Variants in SHPRH observed in about 807,000 individuals in gnomAD.
SHPRH encodes SNF2 histone linker PHD RING helicase.
A neutral mutation model predicts 202.5 loss-of-function variants in SHPRH; 106 were observed. The observed-to-expected ratio is 0.52, with a 90% CI of 0.45 to 0.62. The LOEUF (loss-of-function observed/expected upper bound fraction) is 0.62, where lower values mean the gene tolerates loss of function less well. Ranked by LOEUF, SHPRH falls within the 20% of genes least tolerant of loss-of-function variation. The pLI is 0.00. For synonymous variants in SHPRH, 729 were observed against 686.0 expected (o/e 1.06, Z -0.98); for missense variants, 1,710 against 2,020.0 (o/e 0.85, Z 2.94).
At position 145,893,395 on chromosome 6, in the gene SHPRH, TA is replaced by T; in HGVS notation, c.4696-3del. ...ACGTTTAAATGCTGAAAGGTTCTCC[TA>T]AAAAAGAAAGGTACATTTTAATTTT... On this transcript the variant is annotated splice_polypyrimidine_tract_variant and splice_region_variant and intron_variant, in intron 27 of 29. Coordinates refer to ENST00000275233, the MANE Select transcript of SHPRH (RefSeq NM_001042683.3). 1.3e-6 allele frequency: 2 copies of T among 1,578,726 alleles called. No individual in the cohort carries two copies. The highest frequency in any genetic ancestry group is 1.4e-5 in the African/African-American group (1 of 72,380).
chr6:145,883,942 A>G (rs760182451), downstream of SHPRH: 2 of 152,178 alleles, frequency 1.3e-5, no homozygotes, highest in Non-Finnish European at 2.9e-5. Flanking sequence ...GTTATTCAGC[A>G]CGGTGATCTC....
intron 11 of SHPRH, among the ~76,000 whole-genome samples, chr6:145,939,920 T>C (rs752043640): frequency 7.2e-5 from 11 of 152,156 alleles, no homozygotes; most frequent in Admixed American, 2.0e-4. Flanking sequence ...TTCAGAAAGA[T>C]AAGTTTTGAA....
In SHPRH at chr6:145,923,270, AATATAT is replaced by A. The variant is rs141635836; in HGVS notation, c.3545+367_3545+372del. Among the ~76,000 whole-genome samples, 18 of 150,444 alleles carry A rather than the reference AATATAT, an allele frequency of 1.2e-4. No homozygotes were observed. The East Asian group carries it at 3.5e-3, about 29-fold the overall frequency. On this transcript the variant is annotated intron_variant, in intron 18 of 29. Transcript: ENST00000275233. ...GGCTAAGAGTTATATTCCTTGGTTG[AATATAT>A]ATATATATGTATATATACTTAATTA...
chr6:145,940,403 ATTCT>A (rs1440416259), intron 11 of SHPRH, among the ~76,000 whole-genome samples: 1 of 69,948 alleles, frequency 1.4e-5, no homozygotes, highest in Non-Finnish European at 2.6e-5. Context: ...TTTGGGTTAG[ATTCT>A]TTGTTTTCTA....
In SHPRH at chr6:145,931,884, A is replaced by G. The variant is rs1037938545; in HGVS notation, c.3112+1173T>C. 4.7e-5 allele frequency among the ~76,000 whole-genome samples: 6 copies of G among 127,636 alleles called. No homozygotes were observed. The South Asian group carries it at 1.2e-3, about 25-fold the overall frequency. The allele number at this position is 127,636 out of a possible 152,430, so 83.7% of individuals were successfully genotyped here. A position where few individuals can be genotyped will look rare whatever the true frequency, so the allele number is the denominator to read the frequency against. On this transcript the variant is annotated intron_variant, in intron 14 of 29. Coordinates refer to ENST00000275233, the MANE Select transcript of SHPRH (RefSeq NM_001042683.3). ...ATTTACATGATATAAAACCCACAAT[A>G]TATTTCTTTTTTTTTTTTTTCCTTT...
At position 145,933,501 on chromosome 6, in the gene SHPRH, C is replaced by A. The variant is rs533238367; in HGVS notation, c.2991-323G>T. Among the ~76,000 whole-genome samples, 13 of 152,178 alleles carry A rather than the reference C, an allele frequency of 8.5e-5. No homozygotes were observed. The South Asian group carries it at 2.3e-3, about 27-fold the overall frequency. ...AGACTGACTCTGAATCCCAGCACTGCAACTTAATTAGAAAACCTCTTTGAG... is the reference window on the plus strand; with the variant it reads ...AGACTGACTCTGAATCCCAGCACTGAAACTTAATTAGAAAACCTCTTTGAG... On this transcript the variant is annotated intron_variant, in intron 13 of 29. Transcript: ENST00000275233.
intron 18 of SHPRH, among the ~76,000 whole-genome samples, chr6:145,923,301 A>G (rs1229590427): frequency 6.6e-6 from 1 of 151,680 alleles, no homozygotes; most frequent in Non-Finnish European, 1.5e-5. Context: ...ATACTTAATT[A>G]AATCTGTAAT....
chr6:145,924,901 T>A, intron 16 of SHPRH, 55 bp from the exon 17 acceptor site: 1 of 1,420,126 alleles, frequency 7.0e-7, no homozygotes, highest in Non-Finnish European at 9.8e-7. Flanking sequence ...TATAATTCAG[T>A]ATGATGTTTC....
At chr6:145,922,493 C>A in intron 19 of SHPRH, 145 bp from the exon 20 acceptor site, 1 of 1,240,032 alleles carries the variant, frequency 8.1e-7, no homozygotes, top group South Asian at 1.6e-5. Flanking sequence ...TTTTTCATAC[C>A]TTGTCCTTGA....
downstream of SHPRH, among the ~76,000 whole-genome samples, chr6:145,860,583 C>A (rs557661236): frequency 1.3e-5 from 2 of 152,100 alleles, no homozygotes; most frequent in African/African-American, 4.8e-5. Flanking sequence ...CCCAAACAAT[C>A]TACAGATTCA....
At chr6:145,891,776 T>G (rs922515146) in intron 28 of SHPRH, among the ~76,000 whole-genome samples, 4 of 152,102 alleles carry the variant, frequency 2.6e-5, no homozygotes, top group Non-Finnish European at 4.4e-5. Flanking sequence ...AAAAACATAT[T>G]GACTTGCGAG....
At chr6:145,942,750 G>A (rs28738876) in intron 9 of SHPRH, among the ~76,000 whole-genome samples, 3,734 of 152,238 alleles carry the variant, frequency 0.025, 158 homozygotes, top group African/African-American at 0.085. Context: ...TGAGGTAACT[G>A]AAGCTTTAGA....
chr6:145,892,641 G>T (rs762864050), intron 28 of SHPRH, among the ~76,000 whole-genome samples: 1 of 151,822 alleles, frequency 6.6e-6, no homozygotes, highest in Non-Finnish European at 1.5e-5. Context: ...AAAGATAACT[G>T]TCTATTCTGA....
chr6:145,883,024 C>T (rs1252289082), downstream of SHPRH, among the ~76,000 whole-genome samples: 4 of 151,830 alleles, frequency 2.6e-5, no homozygotes, highest in African/African-American at 7.3e-5. Context: ...GGGTGTGGAG[C>T]ATTAAGAGCA....
At chr6:145,912,293 G>GT (rs904811126) in intron 24 of SHPRH, among the ~76,000 whole-genome samples, 3 of 152,004 alleles carry the variant, frequency 2.0e-5, no homozygotes, top group Non-Finnish European at 4.4e-5. Flanking sequence ...ACTATATATT[G>GT]TAAGTATGAA....
At chr6:145,899,488 A>G (rs1248727999) in intron 25 of SHPRH, among the ~76,000 whole-genome samples, 1 of 152,126 alleles carries the variant, frequency 6.6e-6, no homozygotes, top group African/African-American at 2.4e-5. Context: ...AGTTATCCAC[A>G]TGCAAAAGAA....
At chr6:145,897,624 A>T (rs760380005) in intron 25 of SHPRH, among the ~76,000 whole-genome samples, 1 of 152,106 alleles carries the variant, frequency 6.6e-6, no homozygotes, top group Non-Finnish European at 1.5e-5. Context: ...ACATGCAAAA[A>T]TCCTCAACAA....
chr6:145,912,428 A>T (rs529059014), intron 24 of SHPRH, among the ~76,000 whole-genome samples: 20 of 152,256 alleles, frequency 1.3e-4, no homozygotes, highest in African/African-American at 4.6e-4. Context: ...AAAACTGAAA[A>T]TGTTTAAGAC....
chr6:145,874,209 A>AAATAATAATAAT (rs58669613), intron 2 of SHPRH, among the ~76,000 whole-genome samples: 2,690 of 147,888 alleles, frequency 0.018, 56 homozygotes, highest in East Asian at 0.092. Context: ...AAAAATAATA[A>AAATAATAATAAT]AATAATAATA....
Sources: allele counts gnomAD v4.1 joint callset (sites outside exome capture counted in the v4.1 genomes callset), GRCh38; gene constraint gnomAD v4.1.1; transcripts MANE v1.5; gene names NCBI Gene and HGNC (gene_info 2026-07-23, HGNC 2026-07-21).